The following SGCZ variants were observed in gnomAD, a reference collection of about 807,000 sequenced individuals.
SGCZ encodes the protein zeta-sarcoglycan.
Under a neutral mutation model 41.3 loss-of-function variants are expected in SGCZ, and 40 were observed. That is an observed-to-expected ratio of 0.97 (90% CI 0.75 to 1.26). The LOEUF is 1.26. SGCZ is among the 50% of genes most tolerant of loss of function. The probability of loss-of-function intolerance (pLI) is 0.00; values close to 1 mark genes in which losing one functional copy is unlikely to be tolerated. For synonymous variants in SGCZ, 206 were observed against 137.5 expected (o/e 1.50, Z -3.49); for missense variants, 552 against 369.8 (o/e 1.49, Z -4.04).
At chr8:14,235,563 G>A (rs1290944473) in intron 4 of SGCZ, among the ~76,000 whole-genome samples, 1 of 152,144 alleles carries the variant, frequency 6.6e-6, no homozygotes, top group African/African-American at 2.4e-5. Flanking sequence ...CTGCAGGAAA[G>A]CATGCAGTGA....
intron 2 of SGCZ, among the ~76,000 whole-genome samples, chr8:14,378,398 G>C (rs1180926160): frequency 6.6e-6 from 1 of 152,100 alleles, no homozygotes; most frequent in Non-Finnish European, 1.5e-5. Context: ...AACACCAAAA[G>C]CAATGGCAAC....
chr8:14,889,578 C>T (rs940618839), intron 1 of SGCZ, among the ~76,000 whole-genome samples: 16 of 151,890 alleles, frequency 1.1e-4, no homozygotes, highest in African/African-American at 3.6e-4. Context: ...AAATTCTTAT[C>T]TATAAAATGA....
At chr8:14,146,890 A>AAATAAT (rs1554467202) in intron 5 of SGCZ, among the ~76,000 whole-genome samples, 1 of 116,182 alleles carries the variant, frequency 8.6e-6, no homozygotes, top group African/African-American at 3.6e-5. Flanking sequence ...AAAATAAAAA[A>AAATAAT]AATAATAATA....
At chr8:15,139,746 G>GGC (rs1808252433) in intron 1 of SGCZ, among the ~76,000 whole-genome samples, 1 of 151,948 alleles carries the variant, frequency 6.6e-6, no homozygotes, top group African/African-American at 2.4e-5. Flanking sequence ...TACTACTTCA[G>GGC]GTCCTCAGAC....
At chr8:14,848,211 G>T (rs1803200491) in intron 1 of SGCZ, among the ~76,000 whole-genome samples, 1 of 151,994 alleles carries the variant, frequency 6.6e-6, no homozygotes, top group African/African-American at 2.4e-5. Flanking sequence ...AAATGAAAGA[G>T]GGCAAAATAA....
At chr8:14,613,487 G>A (rs944791142) in intron 1 of SGCZ, among the ~76,000 whole-genome samples, 5 of 152,056 alleles carry the variant, frequency 3.3e-5, no homozygotes, top group Admixed American at 3.3e-4. Context: ...GAAATGTATT[G>A]TATAACAACA....
chr8:14,921,712 A>G (rs1357324390), intron 1 of SGCZ, among the ~76,000 whole-genome samples: 1 of 152,156 alleles, frequency 6.6e-6, no homozygotes, highest in African/African-American at 2.4e-5. Context: ...GTAACAGTCA[A>G]AAAATTGAAC....
rs751836462 is a variant in SGCZ, at chr8:14,675,928, G to C, written c.40-121002C>G. 2.0e-5 allele frequency among the ~76,000 whole-genome samples: 3 copies of C among 152,270 alleles called. No homozygotes were observed. In the South Asian group the frequency reaches 6.2e-4, roughly 32 times the overall value. On this transcript the variant is annotated intron_variant, in intron 1 of 7. Coordinates refer to ENST00000382080, the MANE Select transcript of SGCZ (RefSeq NM_139167.4). Reference sequence around the variant, plus strand: ...GAGGTCAGGGAGGCTAAGGTGGTGAGAATTTTGACCAGAATAGCAGATAGA... The same window carrying C: ...GAGGTCAGGGAGGCTAAGGTGGTGACAATTTTGACCAGAATAGCAGATAGA...
At chr8:14,341,715 T>G (rs1802714522) in intron 2 of SGCZ, among the ~76,000 whole-genome samples, 1 of 152,158 alleles carries the variant, frequency 6.6e-6, no homozygotes, top group South Asian at 2.1e-4. Context: ...GTCATTCCTG[T>G]GCTATTCTTG....
chr8:14,248,508 A>T (rs954026427), intron 3 of SGCZ, among the ~76,000 whole-genome samples: 1 of 152,110 alleles, frequency 6.6e-6, no homozygotes, highest in Non-Finnish European at 1.5e-5. Context: ...GTTTTCTTTT[A>T]TCTTGGTGGG....
intron 2 of SGCZ, among the ~76,000 whole-genome samples, chr8:14,425,110 C>A (rs961127259): frequency 6.6e-6 from 1 of 152,022 alleles, no homozygotes; most frequent in East Asian, 1.9e-4. Context: ...TGTAAACACT[C>A]TTTGTCCAGC....
intron 5 of SGCZ, among the ~76,000 whole-genome samples, chr8:14,121,755 G>A (rs751423267): frequency 2.6e-5 from 4 of 152,230 alleles, no homozygotes; most frequent in Admixed American, 6.5e-5. Flanking sequence ...TTCCAGATAA[G>A]TTTGGTGTCT....
Position 15,237,777 on chromosome 8 carries a change from G to A in SGCZ, c.-154C>T. The A allele has an allele frequency of 4.8e-6, 3 of 625,444 alleles. No homozygotes were observed. Among genetic ancestry groups the A allele is most frequent in the South Asian group, 2.2e-5 (1 of 45,880 alleles). The allele number at this position is 625,444 out of a possible 1,614,324, so 38.7% of individuals were successfully genotyped here. A position where few individuals can be genotyped will look rare whatever the true frequency, so the allele number is the denominator to read the frequency against. On this transcript the variant is annotated 5_prime_UTR_variant, in exon 1 of 8. Coordinates refer to ENST00000382080, the MANE Select transcript of SGCZ (RefSeq NM_139167.4). ...CTCCGTGGTCACGCCGCCTCCACCGGGTTAAAAATAAGGAAAATAAATAAA... is the reference window on the plus strand; with the variant it reads ...CTCCGTGGTCACGCCGCCTCCACCGAGTTAAAAATAAGGAAAATAAATAAA...
chr8:14,215,012 A>T (rs866906107), intron 4 of SGCZ, among the ~76,000 whole-genome samples: 4 of 152,146 alleles, frequency 2.6e-5, no homozygotes, highest in African/African-American at 7.2e-5. Context: ...TTATCAAACA[A>T]TGGGACCTCA....
At chr8:14,515,082 T>C (rs112741229) in intron 2 of SGCZ, among the ~76,000 whole-genome samples, 72 of 152,060 alleles carry the variant, frequency 4.7e-4, no homozygotes, top group African/African-American at 1.7e-3. Context: ...CTAGGGAAAA[T>C]AGGCCTTTCC....
At chr8:15,186,101 TAAA>T (rs34733244) in intron 1 of SGCZ, among the ~76,000 whole-genome samples, 3 of 145,070 alleles carry the variant, frequency 2.1e-5, no homozygotes, top group East Asian at 2.0e-4. Context: ...AATAAAAAAA[TAAA>T]AAAAAAACTT....
At chr8:14,235,658 T>A (rs1459435193) in intron 4 of SGCZ, among the ~76,000 whole-genome samples, 1 of 152,146 alleles carries the variant, frequency 6.6e-6, no homozygotes, top group African/African-American at 2.4e-5. Context: ...TGTCTGACAG[T>A]GGGCATGGGT....
intron 1 of SGCZ, among the ~76,000 whole-genome samples, chr8:14,925,006 G>A (rs1054102684): frequency 3.3e-5 from 5 of 151,740 alleles, no homozygotes. Flanking sequence ...TACAGGTGCG[G>A]GCCTCAATGC....
chr8:14,606,834 A>C (rs11203635), intron 1 of SGCZ, among the ~76,000 whole-genome samples: 123,076 of 152,056 alleles, frequency 0.81, 50,252 homozygotes, highest in Non-Finnish European at 0.86. Flanking sequence ...CTTTAGTGAT[A>C]ATAGTGGCTT....
Sources: gnomAD v4.1 joint callset for allele counts (sites outside exome capture counted in the v4.1 genomes callset) on GRCh38, gnomAD v4.1.1 for gene constraint, MANE v1.5 for transcripts, NCBI Gene and HGNC (gene_info 2026-07-23, HGNC 2026-07-21) for gene names.